Variants in NR3C2 observed in about 807,000 individuals in gnomAD.
NR3C2 encodes nuclear receptor subfamily 3 group C member 2.
NR3C2 carries 15 observed loss-of-function variants against 86.4 expected under a neutral mutation model. That is an observed-to-expected ratio of 0.17 (90% confidence interval 0.12 to 0.27). NR3C2 has a LOEUF of 0.27. Among genes scored for constraint, NR3C2 ranks in the 10% least tolerant of loss-of-function variants. The pLI is 1.00. For missense variants in NR3C2, 960 were observed against 1,195.6 expected (o/e 0.80, Z 2.91); for synonymous variants, 458 against 450.5 (o/e 1.02, Z -0.21).
chr4:148,332,069 T>G (rs1210067067), intron 2 of NR3C2, among the ~76,000 whole-genome samples: 1 of 152,178 alleles, frequency 6.6e-6, no homozygotes, highest in African/African-American at 2.4e-5. Context: ...CTTACAAACT[T>G]GAAAATAGTA....
chr4:148,440,256 T>G (rs1222843583), intron 1 of NR3C2, among the ~76,000 whole-genome samples: 3 of 152,234 alleles, frequency 2.0e-5, no homozygotes, highest in Non-Finnish European at 4.4e-5. Flanking sequence ...AGTATTTTAA[T>G]TAGTCTTTTC....
At chr4:148,171,760 T>C (rs1735137910) in intron 4 of NR3C2, among the ~76,000 whole-genome samples, 1 of 152,176 alleles carries the variant, frequency 6.6e-6, no homozygotes, top group Admixed American at 6.5e-5. Context: ...GGAAGGCTTC[T>C]CTATTTCCCA....
intron 3 of NR3C2, among the ~76,000 whole-genome samples, chr4:148,249,507 T>G (rs147860337): frequency 1.3e-5 from 2 of 152,368 alleles, no homozygotes; most frequent in African/African-American, 4.8e-5. Flanking sequence ...AGATTTGTAT[T>G]CTTTCATCTT....
intron 3 of NR3C2, among the ~76,000 whole-genome samples, chr4:148,217,067 A>C (rs1221322709): frequency 6.6e-6 from 1 of 152,368 alleles, no homozygotes; most frequent in East Asian, 1.9e-4. Flanking sequence ...AATACAAATG[A>C]CACTTAAGAA....
intron 5 of NR3C2, among the ~76,000 whole-genome samples, chr4:148,153,209 G>C (rs549260840): frequency 6.9e-6 from 1 of 144,212 alleles, no homozygotes; most frequent in Non-Finnish European, 1.5e-5. Flanking sequence ...TTTTTAAGAT[G>C]GATTCTCATT....
intron 3 of NR3C2, among the ~76,000 whole-genome samples, chr4:148,235,183 A>G (rs1738685030): frequency 6.6e-6 from 1 of 151,820 alleles, no homozygotes; most frequent in Non-Finnish European, 1.5e-5. Context: ...AACTGTAAAA[A>G]GATCTTCATG....
intron 3 of NR3C2, among the ~76,000 whole-genome samples, chr4:148,224,831 C>G (rs926503009): frequency 7.2e-5 from 11 of 152,120 alleles, no homozygotes; most frequent in African/African-American, 2.7e-4. Flanking sequence ...CTGATAAGGC[C>G]TGACTGGATG....
At chr4:148,258,207 C>A (rs1739921099) in intron 3 of NR3C2, among the ~76,000 whole-genome samples, 1 of 152,136 alleles carries the variant, frequency 6.6e-6, no homozygotes, top group Non-Finnish European at 1.5e-5. Context: ...TTTGACATAC[C>A]ACTTACTTTG....
At chr4:148,230,172 T>C (rs1738386043) in intron 3 of NR3C2, among the ~76,000 whole-genome samples, 1 of 152,174 alleles carries the variant, frequency 6.6e-6, no homozygotes, top group African/African-American at 2.4e-5. Flanking sequence ...AACAGAGAGA[T>C]AAAAAGAACG....
At chr4:148,233,788 C>A (rs966371965) in intron 3 of NR3C2, among the ~76,000 whole-genome samples, 1 of 152,000 alleles carries the variant, frequency 6.6e-6, no homozygotes, top group Non-Finnish European at 1.5e-5. Flanking sequence ...GTTTGTGGCA[C>A]CCCAAAGCAA....
chr4:148,390,406 AG>A (rs1485730533), intron 2 of NR3C2, among the ~76,000 whole-genome samples: 1 of 152,080 alleles, frequency 6.6e-6, no homozygotes, highest in East Asian at 1.9e-4. Flanking sequence ...AATGGGGTTT[AG>A]GGTTAGGTAA....
intron 4 of NR3C2, among the ~76,000 whole-genome samples, chr4:148,188,192 ATG>A (rs1578990123): frequency 1.3e-5 from 2 of 152,216 alleles, no homozygotes; most frequent in East Asian, 3.9e-4. Flanking sequence ...TGCTTTGTCT[ATG>A]TAGGCTCTTT....
intron 4 of NR3C2, among the ~76,000 whole-genome samples, chr4:148,177,282 AG>A (rs1344959132): frequency 1.2e-4 from 19 of 152,224 alleles, no homozygotes; most frequent in Non-Finnish European, 2.8e-4. Context: ...GAATTGGGTT[AG>A]TGCCTTTTAA....
chr4:148,088,440 A>C (rs1290496995), intron 8 of NR3C2, among the ~76,000 whole-genome samples: 1 of 152,088 alleles, frequency 6.6e-6, no homozygotes, highest in Non-Finnish European at 1.5e-5. Context: ...GCACTGTTCA[A>C]AATAGCAAAG....
At position 148,271,933 on chromosome 4, in the gene NR3C2, A is replaced by G. The variant is rs115801754; in HGVS notation, c.1758-11816T>C. ...TGATTTCTGTTGCTGTCCTGGTATT[A>G]AAGAATAAGGATAGTTACTTCCAAA... On this transcript the variant is annotated intron_variant, in intron 2 of 8. Coordinates refer to ENST00000358102, the MANE Select transcript of NR3C2 (RefSeq NM_000901.5). Among the ~76,000 whole-genome samples the G allele has an allele frequency of 4.3e-3, 653 of 152,308 alleles. 5 individuals are homozygous for G. The highest frequency in any genetic ancestry group is 0.015 in the African/African-American group (622 of 41,572).
At chr4:148,344,721 C>G (rs192639968) in intron 2 of NR3C2, among the ~76,000 whole-genome samples, 1 of 152,226 alleles carries the variant, frequency 6.6e-6, no homozygotes, top group African/African-American at 2.4e-5. Context: ...AGGTTTTAGA[C>G]ATTCTAAAAA....
At chr4:148,178,157 G>A (rs1452197800) in intron 4 of NR3C2, among the ~76,000 whole-genome samples, 2 of 146,712 alleles carry the variant, frequency 1.4e-5, no homozygotes, top group Non-Finnish European at 3.1e-5. Context: ...GGCAAACATG[G>A]TGAAACCCTC....
At chr4:148,324,142 A>T (rs944452527) in intron 2 of NR3C2, among the ~76,000 whole-genome samples, 1 of 152,188 alleles carries the variant, frequency 6.6e-6, no homozygotes, top group African/African-American at 2.4e-5. Flanking sequence ...CATCAACCTG[A>T]GAAAGACTAT....
intron 3 of NR3C2, among the ~76,000 whole-genome samples, chr4:148,207,389 A>G (rs1167976291): frequency 1.3e-5 from 2 of 152,226 alleles, no homozygotes; most frequent in Admixed American, 6.5e-5. Flanking sequence ...GAATCTTCGC[A>G]TGCATGAAAA....
Sources: allele counts gnomAD v4.1 joint callset (sites outside exome capture counted in the v4.1 genomes callset), GRCh38; gene constraint gnomAD v4.1.1; transcripts MANE v1.5; gene names NCBI Gene and HGNC (gene_info 2026-07-23, HGNC 2026-07-21).